The following CDK12 variants were observed in gnomAD, a reference collection of about 807,000 sequenced individuals.
CDK12 encodes the protein cyclin-dependent kinase 12.
Under a neutral mutation model 133.8 loss-of-function variants are expected in CDK12, and 17 were observed. The ratio of observed to expected loss-of-function variants is 0.13; its 90% CI spans 0.09 to 0.19. CDK12 has a LOEUF of 0.19. Ranked by LOEUF, CDK12 falls within the 10% of genes least tolerant of loss-of-function variation. The pLI is 1.00. For missense variants in CDK12, 1,508 were observed against 1,818.7 expected, an observed-to-expected ratio of 0.83 and a Z score of 3.11; for synonymous variants, 694 against 683.6, an observed-to-expected ratio of 1.02 and a Z score of -0.24.
intron 10 of CDK12, among the ~76,000 whole-genome samples, chr17:39,518,425 C>A (rs149661289): frequency 6.6e-6 from 1 of 151,928 alleles, no homozygotes; most frequent in Non-Finnish European, 1.5e-5. Context: ...CCTCAGCCCC[C>A]CAAATTGCTG....
At chr17:39,464,434 C>T (rs546334412) in intron 1 of CDK12, among the ~76,000 whole-genome samples, 3 of 147,786 alleles carry the variant, frequency 2.0e-5, no homozygotes, top group Admixed American at 6.8e-5. Context: ...CTGGGTTTTG[C>T]CCTGTTGCCC....
At chr17:39,501,472 T>TC (rs2052713032) in intron 6 of CDK12, 33 bp downstream of exon 6, 1 of 1,442,154 alleles carries the variant, frequency 6.9e-7, no homozygotes, top group South Asian at 1.2e-5. Context: ...TTAAGCACTT[T>TC]CCTCTTCTCC....
At chr17:39,522,135 G>A (rs886731336) in intron 11 of CDK12, among the ~76,000 whole-genome samples, 3 of 151,542 alleles carry the variant, frequency 2.0e-5, no homozygotes, top group African/African-American at 7.3e-5. Flanking sequence ...TTGAGACAGA[G>A]TTTCACTCTT....
At chr17:39,497,785 A>G (rs980460612) in intron 5 of CDK12, among the ~76,000 whole-genome samples, 18 of 151,830 alleles carry the variant, frequency 1.2e-4, no homozygotes, top group African/African-American at 4.4e-4. Flanking sequence ...TTAAATTTTT[A>G]GTAGAAACAG....
chr17:39,465,997 T>C (rs1438230224), intron 1 of CDK12, among the ~76,000 whole-genome samples: 2 of 152,072 alleles, frequency 1.3e-5, no homozygotes, highest in Admixed American at 6.6e-5. Flanking sequence ...AAACAGCATA[T>C]CTCATGTTCT....
chr17:39,480,911 T>C (rs907108748), intron 2 of CDK12, among the ~76,000 whole-genome samples: 16 of 152,166 alleles, frequency 1.1e-4, no homozygotes, highest in Non-Finnish European at 1.9e-4. Flanking sequence ...TAGCTATTAA[T>C]GGATATATTT....
chr17:39,474,781 CTTTTTTTTTTTTT>C (rs893347738), intron 2 of CDK12, among the ~76,000 whole-genome samples: 3 of 94,134 alleles, frequency 3.2e-5, no homozygotes, highest in Admixed American at 2.2e-4. Context: ...ATGATGTTTC[CTTTTTTTTTTTTT>C]TTTTTTTTTG....
chr17:39,479,691 A>T lies in CDK12; in HGVS notation c.1931+7928A>T, dbSNP rs1396936996. Among the ~76,000 whole-genome samples, 3 of 150,964 alleles carry T rather than the reference A, an allele frequency of 2.0e-5. No homozygotes were observed. The East Asian group carries it at 5.9e-4, about 30-fold the overall frequency. On this transcript the variant is annotated intron_variant, in intron 2 of 13. Coordinates refer to ENST00000447079, the MANE Select transcript of CDK12 (RefSeq NM_016507.4). ...GCCCAGGCTAGGATGCAGTGGCATG[A>T]TCTCGGCTCACTGTAATCTCCGCCT...
intron 1 of CDK12, among the ~76,000 whole-genome samples, chr17:39,467,025 C>T (rs1597911676): frequency 6.6e-6 from 1 of 151,996 alleles, no homozygotes. Flanking sequence ...TGTCGCCAGG[C>T]TGGAGTGCAG....
At chr17:39,516,403 C>G (rs1598136961) in intron 9 of CDK12, among the ~76,000 whole-genome samples, 1 of 151,634 alleles carries the variant, frequency 6.6e-6, no homozygotes, top group East Asian at 1.9e-4. Flanking sequence ...GTCACCTAGA[C>G]TGGAGTGCAG....
chr17:39,492,989 G>A (rs1431182413), intron 4 of CDK12, 99 bp downstream of exon 4: 2 of 869,320 alleles, frequency 2.3e-6, no homozygotes, highest in East Asian at 6.1e-5. Flanking sequence ...GAGGTGTTTT[G>A]TTTGTTTGTT....
intron 2 of CDK12, 30 bp downstream of exon 2, chr17:39,471,793 C>T: frequency 6.4e-7 from 1 of 1,551,592 alleles, no homozygotes; most frequent in Non-Finnish European, 8.7e-7. Flanking sequence ...GGAAAAAACC[C>T]CCTTGATCTA....
At chr17:39,464,693 G>A (rs1156401817) in intron 1 of CDK12, among the ~76,000 whole-genome samples, 1 of 151,684 alleles carries the variant, frequency 6.6e-6, no homozygotes, top group African/African-American at 2.4e-5. Context: ...GCACAGAAAG[G>A]TTGTAGTGAA....
chr17:39,559,480 C>T (rs2056287585), intron 3 of CDK12, among the ~76,000 whole-genome samples: 1 of 152,182 alleles, frequency 6.6e-6, no homozygotes, highest in South Asian at 2.1e-4. Flanking sequence ...ATTCACACCT[C>T]CTTCCCTCTC....
At chr17:39,507,176 G>A (rs966071147) in intron 6 of CDK12, among the ~76,000 whole-genome samples, 5 of 151,914 alleles carry the variant, frequency 3.3e-5, no homozygotes, top group African/African-American at 7.2e-5. Context: ...GACTACAGGC[G>A]TGAGCCACTG....
rs1420675334 is a variant in CDK12, at chr17:39,515,682, A to G, written c.2769-49A>G. 2.3e-6 allele frequency: 3 copies of G among 1,291,572 alleles called. No individual in the cohort carries two copies. In the Admixed American group the frequency reaches 5.6e-5, roughly 24 times the overall value. 80.0% of individuals were successfully genotyped at this position (1,291,572 alleles called of 1,614,324 possible). A position where few individuals can be genotyped will look rare whatever the true frequency, so the allele number is the denominator to read the frequency against. ...GTAAAAATTTTTTGAGACACTTTAA[A>G]TAGGCTCTAAGAATTTCTCTTCTGA... On this transcript the variant is annotated intron_variant, in intron 8 of 13. Transcript: ENST00000447079.
At chr17:39,509,801 T>A (rs1320595016) in intron 7 of CDK12, 40 bp downstream of exon 7, 2 of 1,471,380 alleles carry the variant, frequency 1.4e-6, no homozygotes, top group East Asian at 4.5e-5. Flanking sequence ...AAATAAGGTT[T>A]GTTTTGTTTT....
intron 2 of CDK12, among the ~76,000 whole-genome samples, chr17:39,489,047 A>C (rs1425377258): frequency 6.7e-6 from 1 of 150,176 alleles, no homozygotes; most frequent in Non-Finnish European, 1.5e-5. Flanking sequence ...CAGCCTCTCG[A>C]GTAGCTGGAA....
intron 2 of CDK12, among the ~76,000 whole-genome samples, chr17:39,474,187 T>C (rs971296598): frequency 6.6e-6 from 1 of 152,368 alleles, no homozygotes; most frequent in African/African-American, 2.4e-5. Flanking sequence ...TACTGTGATA[T>C]TGTGCTCTTT....
Sources: gnomAD v4.1 joint callset for allele counts (sites outside exome capture counted in the v4.1 genomes callset) on GRCh38, gnomAD v4.1.1 for gene constraint, MANE v1.5 for transcripts, NCBI Gene and HGNC (gene_info 2026-07-23, HGNC 2026-07-21) for gene names.